Variants in MGAM observed in about 807,000 individuals in gnomAD.
MGAM encodes the protein alpha-1,4-glucosidase.
Under a neutral mutation model 358.8 loss-of-function variants are expected in MGAM, and 253 were observed. The observed-to-expected ratio is 0.71, with a 90% CI of 0.64 to 0.78. MGAM has a LOEUF of 0.78. MGAM is among the 30% of genes least tolerant of loss of function. The probability of loss-of-function intolerance (pLI) is 0.00; values close to 1 mark genes in which losing one functional copy is unlikely to be tolerated. For missense variants in MGAM, 3,080 were observed against 3,432.6 expected (o/e 0.90, Z 2.57); for synonymous variants, 1,105 against 1,227.1 (o/e 0.90, Z 2.08).
rs1563154200 is a variant in MGAM, at chr7:142,044,399, T to TATATA, written c.2499-3384_2499-3383insATAAT. On this transcript the variant is annotated intron_variant, in intron 21 of 70. Coordinates refer to ENST00000475668, the MANE Select transcript of MGAM (RefSeq NM_001365693.1). ...ATGAATATTATATACACATACGATA[T>TATATA]ATGATATATAATGAATATTATATAC... is the stretch of plus-strand genomic sequence containing the variant. Among the ~76,000 whole-genome samples, 78 of 46,890 alleles carry TATATA rather than the reference T, an allele frequency of 1.7e-3. 5 individuals carry two copies. The highest frequency in any genetic ancestry group is 4.6e-3 in the Non-Finnish European group (59 of 12,956). 30.8% of individuals were successfully genotyped at this position (46,890 alleles called of 152,430 possible).
intron 14 of MGAM, among the ~76,000 whole-genome samples, chr7:142,033,444 C>T (rs868959243): frequency 6.6e-5 from 10 of 152,106 alleles, no homozygotes; most frequent in South Asian, 2.1e-4. Context: ...ATCATAGCAT[C>T]GGCCATAGTT....
chr7:142,054,055 T>C (rs910574693), intron 26 of MGAM, among the ~76,000 whole-genome samples: 1 of 152,226 alleles, frequency 6.6e-6, no homozygotes, highest in African/African-American at 2.4e-5. Flanking sequence ...TTTCTTTGTT[T>C]GGTTAATGAC....
At chr7:142,038,346 A>T (rs1335559763) in intron 18 of MGAM, among the ~76,000 whole-genome samples, 185 bp from the exon 19 acceptor site, 2 of 152,310 alleles carry the variant, frequency 1.3e-5, no homozygotes, top group African/African-American at 4.8e-5. Context: ...AATAGGAGAC[A>T]TGAGCTGGGG....
chr7:142,069,026 C>T (rs1813095740), intron 43 of MGAM, among the ~76,000 whole-genome samples: 1 of 146,546 alleles, frequency 6.8e-6, no homozygotes, highest in Non-Finnish European at 1.5e-5. Context: ...TGCTAGCCAA[C>T]ATCTGAGATT....
rs540687713 is a variant in MGAM at position 142,083,008 on chromosome 7, A to T, written c.6269-293A>T. Among the ~76,000 whole-genome samples, 3 of 146,446 alleles carry T rather than the reference A, an allele frequency of 2.0e-5. 1 individual carries two copies. The highest frequency in any genetic ancestry group is 4.6e-5 in the Non-Finnish European group (3 of 64,658). On this transcript the variant is annotated intron_variant, in intron 52 of 70. Transcript: ENST00000475668. ...AACTTCAGCATCGTGCAATATTCCC[A>T]TGTAACAAATGTGAACATGTACCTC...
rs1814194224 is a variant in MGAM, at chr7:142,080,842, C to T, written c.5899C>T (p.Pro1967Ser). ...TGAAGTTCCAGTCCCTCTGAACATA[C>T]CCAGCGTGCCATCCAGCACCCCTGA... ...RYEVPVPLNI[P>S]SVPSSTPEGQ... The change falls in exon 50 of 71, where the codon CCC becomes TCC. Residue 1967 changes from proline to serine, a missense_variant. By Grantham distance (74) the Pro-to-Ser change is moderately conservative (BLOSUM62 -1). Around this residue, in one of 5 missense-constraint regions of MGAM, gnomAD observed 932 missense variants for 1,198.2 expected, o/e 0.78. Transcript: ENST00000475668. The T allele has an allele frequency of 6.4e-7, 1 of 1,556,276 alleles. No individual in the cohort carries two copies. The highest frequency in any genetic ancestry group is 1.1e-5 in the South Asian group (1 of 89,228).
chr7:142,089,553 A>G (rs1230871996), intron 57 of MGAM, among the ~76,000 whole-genome samples: 1 of 146,406 alleles, frequency 6.8e-6, no homozygotes, highest in African/African-American at 2.4e-5. Context: ...CTGCAATCCC[A>G]GCACTTTGGG....
intron 54 of MGAM, 147 bp from the exon 55 acceptor site, chr7:142,085,686 C>A: frequency 8.7e-7 from 1 of 1,153,244 alleles, no homozygotes; most frequent in South Asian, 1.7e-5. Flanking sequence ...TTTCCCAGCA[C>A]CTGTACCTAA....
intron 50 of MGAM, 22 bp from the exon 51 acceptor site, chr7:142,082,020 A>G (rs1038175350): frequency 6.4e-7 from 1 of 1,551,932 alleles, no homozygotes; most frequent in Non-Finnish European, 8.8e-7. Flanking sequence ...TTCTGTTTCA[A>G]ATCTGCCTTT....
At chr7:141,991,919 G>T (rs1554447405), upstream of MGAM, among the ~76,000 whole-genome samples, 3 of 152,076 alleles carry the variant, frequency 2.0e-5, no homozygotes, top group African/African-American at 7.2e-5. Context: ...TTAAATCCAG[G>T]GACTTGGAGC....
chr7:142,048,505 C>CAGTGGCGGGA (rs371770712), intron 22 of MGAM, among the ~76,000 whole-genome samples: 8 of 72,686 alleles, frequency 1.1e-4, no homozygotes, highest in Admixed American at 1.9e-4. Context: ...CAAGACTGTT[C>CAGTGGCGGGA]CCGTAACCCA....
intron 34 of MGAM, among the ~76,000 whole-genome samples, chr7:142,061,598 C>T (rs974079400): frequency 2.0e-5 from 3 of 152,172 alleles, no homozygotes; most frequent in African/African-American, 7.2e-5. Flanking sequence ...TGGAGCTCCC[C>T]TAGACCAAGT....
At chr7:141,996,873 G>A (rs945485820) in intron 1 of MGAM, among the ~76,000 whole-genome samples, 2 of 152,098 alleles carry the variant, frequency 1.3e-5, no homozygotes, top group Non-Finnish European at 2.9e-5. Flanking sequence ...TAAAGAGAAA[G>A]GTAGGGTATC....
At chr7:141,995,635 C>G (rs1363399051), upstream of MGAM, among the ~76,000 whole-genome samples, 2 of 152,098 alleles carry the variant, frequency 1.3e-5, no homozygotes, top group Admixed American at 1.3e-4. Context: ...GTCCTCACCA[C>G]CGATTAAACA....
intron 27 of MGAM, among the ~76,000 whole-genome samples, 175 bp from the exon 28 acceptor site, chr7:142,055,383 T>C (rs1811409366): frequency 6.6e-6 from 1 of 152,162 alleles, no homozygotes; most frequent in South Asian, 2.1e-4. Flanking sequence ...GAATAACTCC[T>C]GGGCTTTTAG....
At chr7:142,025,234 C>G in intron 8 of MGAM, 85 bp downstream of exon 8, 1 of 1,043,150 alleles carries the variant, frequency 9.6e-7, no homozygotes, top group South Asian at 1.4e-5. Context: ...GAATGGATCC[C>G]TTTAAGAGTG....
At chr7:142,057,825 A>G (rs1413917031) in intron 30 of MGAM, among the ~76,000 whole-genome samples, 2 of 152,122 alleles carry the variant, frequency 1.3e-5, no homozygotes, top group Non-Finnish European at 2.9e-5. Context: ...TGCTATTATT[A>G]TCCGTTATTT....
Position 142,078,800 on chromosome 7 carries a change from C to G in MGAM, c.5647-8C>G. 6.4e-7 allele frequency: 1 copy of G among 1,550,496 alleles called. No homozygotes were observed. Among genetic ancestry groups the G allele is most frequent in the Non-Finnish European group, 8.9e-7 (1 of 1,127,860 alleles). On this transcript the variant is annotated splice_region_variant and splice_polypyrimidine_tract_variant and intron_variant, in intron 48 of 70. Transcript: ENST00000475668. Reference sequence around the variant, plus strand: ...GTGCTGATCTATGACTTTGGCCTTACTTTTCAGGCATCCAATTCTTCTGGA... The same window carrying G: ...GTGCTGATCTATGACTTTGGCCTTAGTTTTCAGGCATCCAATTCTTCTGGA...
At chr7:142,094,933 G>A in intron 63 of MGAM, 70 bp downstream of exon 63, 9 of 1,493,844 alleles carry the variant, frequency 6.0e-6, no homozygotes, top group Non-Finnish European at 7.3e-6. Flanking sequence ...TAAAGTTAAT[G>A]CAGTCTGTAT....
Sources: allele counts gnomAD v4.1 joint callset (sites outside exome capture counted in the v4.1 genomes callset), GRCh38; gene constraint gnomAD v4.1.1; regional missense constraint gnomAD v4.1.1; transcripts MANE v1.5; gene names NCBI Gene and HGNC (gene_info 2026-07-23, HGNC 2026-07-21).